The following ASB16 variants were observed in gnomAD, a reference collection of about 807,000 sequenced individuals.
ASB16 encodes the protein ankyrin repeat and SOCS box protein 16.
ASB16 carries 44 observed loss-of-function variants against 39.1 expected under a neutral mutation model. The observed-to-expected ratio is 1.13, with a 90% CI of 0.88 to 1.45. The LOEUF (loss-of-function observed/expected upper bound fraction) is 1.45. Among genes scored for constraint, ASB16 ranks in the 40% most tolerant of loss-of-function variants. The pLI is 0.00. For synonymous variants in ASB16, 305 were observed against 286.7 expected (o/e 1.06, Z -0.64); for missense variants, 698 against 634.5 (o/e 1.10, Z -1.07).
chr17:44,178,698 A>C lies in ASB16; in HGVS notation c.*308A>C, dbSNP rs2054336481. 1 of 359,454 alleles carries C rather than the reference A, an allele frequency of 2.8e-6. No individual in the cohort carries two copies. Among genetic ancestry groups the C allele is most frequent in the Non-Finnish European group, 5.1e-6 (1 of 194,200 alleles). 22.3% of individuals were successfully genotyped at this position (359,454 alleles called of 1,614,324 possible). ...TGTTGGCCAGGCTGGTCTCACACTG[A>C]CCTCAGGTGATCCACCCGCCTTGGC... On this transcript the variant is annotated 3_prime_UTR_variant, in exon 5 of 5. Transcript: ENST00000293414.
intron 4 of ASB16, 46 bp from the exon 5 acceptor site, chr17:44,178,159 G>T (rs1245730628): frequency 6.2e-7 from 1 of 1,600,348 alleles, no homozygotes; most frequent in Non-Finnish European, 8.5e-7. Flanking sequence ...GTTGCCCCCA[G>T]ATGGTAGGGC....
Position 44,176,801 on chromosome 17 carries a change from G to A in ASB16, c.633G>A (p.Glu211=), listed in dbSNP as rs1294354796. ...ACCTGGCAGCAGGCGAGAGCCAGGA[G>A]ACGCCCCTGCACGTGGCGGCGGCGC... ...TVNLAAGESQ[E]TPLHVAAARG... The change falls in exon 3 of 5, where the codon GAG becomes GAA. Residue 211 remains glutamate (E), a synonymous_variant. Coordinates refer to ENST00000293414, the MANE Select transcript of ASB16 (RefSeq NM_080863.5). 1.2e-6 allele frequency: 2 copies of A among 1,613,592 alleles called. No homozygotes were observed. The highest frequency in any genetic ancestry group is 1.7e-6 in the Non-Finnish European group (2 of 1,179,912).
chr17:44,171,549 C>A (rs1022254100), intron 1 of ASB16, among the ~76,000 whole-genome samples: 1 of 125,988 alleles, frequency 7.9e-6, no homozygotes, highest in African/African-American at 4.3e-5. Context: ...GGGGACAGAG[C>A]GAGACCCTGC....
In ASB16 at chr17:44,177,637, G is replaced by A. The variant is rs928234223; in HGVS notation, c.1091G>A (p.Arg364Gln). 2.7e-5 allele frequency: 43 copies of A among 1,613,748 alleles called. No individual in the cohort carries two copies. The highest frequency in any genetic ancestry group is 3.5e-5 in the Non-Finnish European group (41 of 1,179,850). The part of the protein sequence containing the change: ...EMLKHCANFP[R>Q]ALEVLLNAYP... The stretch of plus-strand genomic sequence containing the variant: ...CTGAAACACTGCGCCAACTTCCCTC[G>A]GGCCCTGGAAGTCCTGCTTAATGCC... The change falls in exon 4 of 5, where the codon CGG becomes CAG. Residue 364 changes from arginine to glutamine, a missense_variant. By Grantham distance (43) the Arg-to-Gln change is conservative (BLOSUM62 1). Coordinates refer to ENST00000293414, the MANE Select transcript of ASB16 (RefSeq NM_080863.5).
At chr17:44,173,682 G>A (rs368848769) in intron 2 of ASB16, among the ~76,000 whole-genome samples, 64 of 152,134 alleles carry the variant, frequency 4.2e-4, no homozygotes, top group African/African-American at 1.5e-3. Flanking sequence ...AAAATTAGCC[G>A]GGCATGGTGG....
rs116243986 is a variant in ASB16 at position 44,178,761 on chromosome 17, G to A, written c.*371G>A. On this transcript the variant is annotated 3_prime_UTR_variant, in exon 5 of 5. Coordinates refer to ENST00000293414, the MANE Select transcript of ASB16 (RefSeq NM_080863.5). ...TGGGATTACAGGCATGAGCCACTGC[G>A]CCTGGTTGCCTGCCCCTCTTTTCTG... is the stretch of plus-strand genomic sequence containing the variant. The A allele has an allele frequency of 7.0e-3, 1,779 of 253,694 alleles. 29 individuals are homozygous for A. Among genetic ancestry groups the A allele is most frequent in the African/African-American group, 0.039 (1,678 of 43,436 alleles). 15.7% of individuals were successfully genotyped at this position (253,694 alleles called of 1,614,324 possible).
intron 2 of ASB16, among the ~76,000 whole-genome samples, chr17:44,173,588 G>C (rs2054260712): frequency 6.6e-6 from 1 of 152,136 alleles, no homozygotes; most frequent in Non-Finnish European, 1.5e-5. Context: ...AGCTACTCGG[G>C]AGGCTGAGGC....
intron 4 of ASB16, 144 bp downstream of exon 4, chr17:44,177,866 C>T (rs2054323050): frequency 1.7e-6 from 2 of 1,194,146 alleles, no homozygotes. Flanking sequence ...CAGGGTACCC[C>T]CTCCCCCGGT....
chr17:44,178,167 G>A (rs780169804), intron 4 of ASB16, 38 bp from the exon 5 acceptor site: 1 of 1,608,356 alleles, frequency 6.2e-7, no homozygotes, highest in South Asian at 1.1e-5. Context: ...CAGATGGTAG[G>A]GCAAGGGTCA....
intron 2 of ASB16, 35 bp downstream of exon 2, chr17:44,172,348 A>C: frequency 6.4e-7 from 1 of 1,559,900 alleles, no homozygotes; most frequent in Non-Finnish European, 8.6e-7. Flanking sequence ...TTTGGGGAGA[A>C]ATGTGTGTGT....
At position 44,178,490 on chromosome 17, in the gene ASB16, T is replaced by C. The variant is rs916718970; in HGVS notation, c.*100T>C. The C allele has an allele frequency of 9.8e-5, 124 of 1,267,424 alleles. No homozygotes were observed. Among genetic ancestry groups the C allele is most frequent in the Middle Eastern group, 2.8e-4 (1 of 3,618 alleles). 78.5% of individuals were successfully genotyped at this position (1,267,424 alleles called of 1,614,324 possible). A position where few individuals can be genotyped will look rare whatever the true frequency, so the allele number is the denominator to read the frequency against. On this transcript the variant is annotated 3_prime_UTR_variant, in exon 5 of 5. Coordinates refer to ENST00000293414, the MANE Select transcript of ASB16 (RefSeq NM_080863.5). Reference sequence around the variant, plus strand: ...TCCTGGCCCTCTTTTCTTTTCTTTTTGAGACCTAGTCTCACTCTGTTGCCC... The same window carrying C: ...TCCTGGCCCTCTTTTCTTTTCTTTTCGAGACCTAGTCTCACTCTGTTGCCC...
chr17:44,174,886 G>A (rs905556749), intron 2 of ASB16, among the ~76,000 whole-genome samples: 1 of 151,540 alleles, frequency 6.6e-6, no homozygotes, highest in Non-Finnish European at 1.5e-5. Flanking sequence ...GGCAGATCAC[G>A]AGGTCAGGAG....
chr17:44,172,280 C>G lies in ASB16; in HGVS notation c.536C>G (p.Pro179Arg), dbSNP rs2054249814. ...GTGCTGACTGAGGAGGGCACGACTC[C>G]TTTGCACCTCTGCACGATCCCCGAG... Reference protein sequence around the residue: ...ANVLTEEGTTPLHLCTIPESL... With the variant: ...ANVLTEEGTTRLHLCTIPESL... The change falls in exon 2 of 5, where the codon CCT becomes CGT. Residue 179 changes from proline to arginine, a missense_variant. By Grantham distance (103) the Pro-to-Arg change is moderately radical (BLOSUM62 -2). Transcript: ENST00000293414. The G allele has an allele frequency of 6.2e-7, 1 of 1,613,416 alleles. No homozygotes were observed. Among genetic ancestry groups the G allele is most frequent in the Non-Finnish European group, 8.5e-7 (1 of 1,180,054 alleles).
At chr17:44,172,429 C>A in intron 2 of ASB16, 116 bp downstream of exon 2, 1 of 1,182,414 alleles carries the variant, frequency 8.5e-7, no homozygotes, top group Non-Finnish European at 1.2e-6. Flanking sequence ...CATAAAGCAC[C>A]GCATATACAC....
chr17:44,174,981 A>AGTCCC, intron 2 of ASB16, among the ~76,000 whole-genome samples: 1 of 151,968 alleles, frequency 6.6e-6, no homozygotes, highest in Non-Finnish European at 1.5e-5. Context: ...GCATGCCTGC[A>AGTCCC]GTCCCAGCTA....
intron 3 of ASB16, 60 bp downstream of exon 3, chr17:44,177,290 G>A (rs746069497): frequency 6.8e-7 from 1 of 1,467,470 alleles, no homozygotes; most frequent in Non-Finnish European, 9.0e-7. Flanking sequence ...GGCTGGAACT[G>A]CTCCGCTTCT....
intron 2 of ASB16, among the ~76,000 whole-genome samples, chr17:44,174,921 G>A (rs1266937207): frequency 6.6e-6 from 1 of 151,546 alleles, no homozygotes; most frequent in Non-Finnish European, 1.5e-5. Flanking sequence ...GGCCAACATG[G>A]TGAAACCCTG....
Position 44,177,224 on chromosome 17 carries a change from C to T in ASB16, c.1056C>T (p.Arg352=), listed in dbSNP as rs1410810405. The T allele has an allele frequency of 1.3e-6, 2 of 1,538,522 alleles. No homozygotes were observed. The highest frequency in any genetic ancestry group is 2.4e-5 in the East Asian group (1 of 41,232). Residue 352 remains arginine (R), a synonymous_variant, in exon 3 of 5, where the codon CGC becomes CGT. Coordinates refer to ENST00000293414, the MANE Select transcript of ASB16 (RefSeq NM_080863.5). ...TGGACTACGGGGCGCAGCCAGTGCGCCCTGAGGTGCGCTGGGAGGCCCTGA... is the reference window on the plus strand; with the variant it reads ...TGGACTACGGGGCGCAGCCAGTGCGTCCTGAGGTGCGCTGGGAGGCCCTGA... ...ALLDYGAQPV[R]PEMLKHCANF...
At chr17:44,175,739 G>A (rs1440522310) in intron 2 of ASB16, among the ~76,000 whole-genome samples, 11 of 152,142 alleles carry the variant, frequency 7.2e-5, no homozygotes, top group Admixed American at 7.2e-4. Context: ...CAGTATGTAA[G>A]GATGCATGTT....
Sources: allele counts gnomAD v4.1 joint callset (sites outside exome capture counted in the v4.1 genomes callset), GRCh38; gene constraint gnomAD v4.1.1; transcripts MANE v1.5; gene names NCBI Gene and HGNC (gene_info 2026-07-23, HGNC 2026-07-21).